The following GSG1L variants were observed in gnomAD, a reference collection of about 807,000 sequenced individuals.
The protein encoded by GSG1L is germ cell-specific gene 1-like protein.
A neutral mutation model predicts 42.1 loss-of-function variants in GSG1L; 24 were observed. That is an observed-to-expected ratio of 0.57 (90% confidence interval 0.41 to 0.80). The LOEUF (loss-of-function observed/expected upper bound fraction) is 0.80, where lower values mean the gene tolerates loss of function less well. Among genes scored for constraint, GSG1L ranks in the 30% least tolerant of loss-of-function variants. The pLI is 0.00. For synonymous variants in GSG1L, 215 were observed against 203.5 expected, an observed-to-expected ratio of 1.06 and a Z score of -0.48; for missense variants, 445 against 472.2, an observed-to-expected ratio of 0.94 and a Z score of 0.53.
intron 1 of GSG1L, among the ~76,000 whole-genome samples, chr16:28,056,333 A>C (rs1003364454): frequency 2.6e-5 from 4 of 152,102 alleles, no homozygotes; most frequent in African/African-American, 4.8e-5. Context: ...GACATGGATG[A>C]AGCTGGAAAC....
intron 2 of GSG1L, among the ~76,000 whole-genome samples, chr16:27,919,815 C>T (rs998836020): frequency 6.6e-6 from 1 of 152,198 alleles, no homozygotes; most frequent in African/African-American, 2.4e-5. Flanking sequence ...ATTGGATTTT[C>T]ACCTGAAAGG....
chr16:27,913,724 G>T (rs756291354), intron 2 of GSG1L, among the ~76,000 whole-genome samples: 1 of 152,156 alleles, frequency 6.6e-6, no homozygotes, highest in Non-Finnish European at 1.5e-5. Flanking sequence ...AGACTGTGTG[G>T]TTCCCAAAGC....
At chr16:27,929,958 A>C (rs529272747) in intron 2 of GSG1L, among the ~76,000 whole-genome samples, 1 of 152,150 alleles carries the variant, frequency 6.6e-6, no homozygotes, top group East Asian at 1.9e-4. Flanking sequence ...GGCCATGTGC[A>C]ATAGCCAAGC....
chr16:27,888,496 T>TCCG (rs2084073967), intron 2 of GSG1L, among the ~76,000 whole-genome samples: 1 of 6,656 alleles, frequency 1.5e-4, no homozygotes, highest in African/African-American at 3.8e-4. Flanking sequence ...TCTTTCTTTC[T>TCCG]TTCTTTCTTT....
At chr16:27,799,323 C>T (rs1713864891) in intron 6 of GSG1L, among the ~76,000 whole-genome samples, 1 of 151,756 alleles carries the variant, frequency 6.6e-6, no homozygotes, top group African/African-American at 2.4e-5. Flanking sequence ...TACTTGAGGC[C>T]AGGAGTTCGA....
intron 1 of GSG1L, among the ~76,000 whole-genome samples, chr16:28,027,131 C>T (rs1164713477): frequency 1.3e-5 from 2 of 152,090 alleles, no homozygotes; most frequent in East Asian, 3.9e-4. Flanking sequence ...CAAAGAATAC[C>T]ATCTATCACA....
At chr16:27,973,173 G>C (rs2085212053) in intron 1 of GSG1L, among the ~76,000 whole-genome samples, 1 of 152,184 alleles carries the variant, frequency 6.6e-6, no homozygotes, top group African/African-American at 2.4e-5. Context: ...CTTAGGGCCA[G>C]GTGCGGTGGC....
intron 2 of GSG1L, among the ~76,000 whole-genome samples, chr16:27,942,663 T>C (rs1326441044): frequency 1.3e-5 from 2 of 152,196 alleles, no homozygotes; most frequent in Non-Finnish European, 2.9e-5. Flanking sequence ...CACAAAAAGA[T>C]GTTCAACCTC....
At chr16:28,030,128 T>C (rs775395503) in intron 1 of GSG1L, among the ~76,000 whole-genome samples, 12 of 152,200 alleles carry the variant, frequency 7.9e-5, no homozygotes, top group Non-Finnish European at 1.5e-4. Flanking sequence ...GGATGTTCTG[T>C]GGTTCTGCCT....
chr16:27,897,110 C>G (rs1043996151), intron 2 of GSG1L, among the ~76,000 whole-genome samples: 2 of 152,182 alleles, frequency 1.3e-5, no homozygotes, highest in Non-Finnish European at 2.9e-5. Flanking sequence ...GTGATCCCCC[C>G]ACCTCGGCCT....
rs1326845197 is a variant in GSG1L at position 27,803,898 on chromosome 16, G to A, written c.898+3589C>T. On this transcript the variant is annotated intron_variant, in intron 6 of 6. Transcript: ENST00000447459. ...TCTGTAGATAGATGATAGATAAATA[G>A]GTAGATAGATGACACGATTGATAGA... Among the ~76,000 whole-genome samples the A allele has an allele frequency of 6.0e-5, 9 of 151,180 alleles. No individual in the cohort carries two copies. In the East Asian group the frequency reaches 1.5e-3, roughly 26 times the overall value.
intron 3 of GSG1L, among the ~76,000 whole-genome samples, chr16:27,874,572 T>C (rs961875003): frequency 6.8e-6 from 1 of 147,420 alleles, no homozygotes; most frequent in Non-Finnish European, 1.5e-5. Flanking sequence ...CACCTCAGCC[T>C]ACCAAGTATC....
chr16:27,833,458 A>G (rs774411110), intron 4 of GSG1L, among the ~76,000 whole-genome samples: 10 of 152,034 alleles, frequency 6.6e-5, no homozygotes, highest in Non-Finnish European at 1.5e-4. Flanking sequence ...TCTTTTTCAA[A>G]ATTGTTTTAG....
At chr16:27,987,587 C>A (rs77336800) in intron 1 of GSG1L, among the ~76,000 whole-genome samples, 1 of 152,164 alleles carries the variant, frequency 6.6e-6, no homozygotes, top group Non-Finnish European at 1.5e-5. Context: ...CAAGCCCTGC[C>A]TTTCATAGCC....
Position 27,884,751 on chromosome 16 carries a change from C to A in GSG1L, c.398-113G>T. On this transcript the variant is annotated intron_variant, in intron 2 of 6. Coordinates refer to ENST00000447459, the MANE Select transcript of GSG1L (RefSeq NM_001109763.2). The surrounding 1 kb of genome is among the most constrained non-coding windows in gnomAD (Gnocchi z 4.4). ...GTAGCAAGTCATTCTAGAATAGAAC[C>A]TGGTTCTGGGGGAGGTCCTGATGGA... is the stretch of plus-strand genomic sequence containing the variant. 9.0e-7 allele frequency: 1 copy of A among 1,106,890 alleles called. No homozygotes were observed. Among genetic ancestry groups the A allele is most frequent in the Non-Finnish European group, 1.3e-6 (1 of 793,886 alleles). The allele number at this position is 1,106,890 out of a possible 1,614,324, so 68.6% of individuals were successfully genotyped here.
At chr16:27,844,493 T>C (rs2140983028) in intron 4 of GSG1L, among the ~76,000 whole-genome samples, 1 of 152,242 alleles carries the variant, frequency 6.6e-6, no homozygotes, top group Middle Eastern at 3.4e-3. Context: ...TCAGAGAGTA[T>C]TTTTGACTTT....
chr16:28,005,881 C>T (rs1476477540), intron 1 of GSG1L, among the ~76,000 whole-genome samples: 1 of 152,206 alleles, frequency 6.6e-6, no homozygotes, highest in African/African-American at 2.4e-5. Flanking sequence ...TCTTTGGAAG[C>T]TGTAAATATG....
At chr16:27,841,346 C>A (rs957549075) in intron 4 of GSG1L, among the ~76,000 whole-genome samples, 1 of 152,212 alleles carries the variant, frequency 6.6e-6, no homozygotes, top group Non-Finnish European at 1.5e-5. Context: ...CCCAGGCTGT[C>A]AGACTCTTAA....
chr16:27,895,151 C>T (rs555756487), intron 2 of GSG1L, among the ~76,000 whole-genome samples: 2 of 152,276 alleles, frequency 1.3e-5, no homozygotes, highest in Admixed American at 1.3e-4. Flanking sequence ...TTGGCCCACA[C>T]AGTATTTTAA....
Sources: gnomAD v4.1 joint callset for allele counts (sites outside exome capture counted in the v4.1 genomes callset) on GRCh38, gnomAD v4.1.1 for gene constraint, Gnocchi (gnomAD v3.1) non-coding constraint, MANE v1.5 for transcripts, NCBI Gene and HGNC (gene_info 2026-07-23, HGNC 2026-07-21) for gene names.